Variants in PDE10A observed in about 807,000 individuals in gnomAD.
PDE10A encodes cAMP and cAMP-inhibited cGMP 3',5'-cyclic phosphodiesterase 10A.
Under a neutral mutation model 97.7 loss-of-function variants are expected in PDE10A, and 39 were observed. The observed-to-expected ratio is 0.40, with a 90% confidence interval of 0.31 to 0.52. The LOEUF is 0.52. Ranked by LOEUF, PDE10A falls within the 20% of genes least tolerant of loss-of-function variation. The probability of loss-of-function intolerance (pLI) is 0.56; values close to 1 mark genes in which losing one functional copy is unlikely to be tolerated. For missense variants in PDE10A, 731 were observed against 1,047.8 expected (o/e 0.70, Z 4.17); for synonymous variants, 371 against 376.8 (o/e 0.98, Z 0.18).
intron 1 of PDE10A, among the ~76,000 whole-genome samples, chr6:165,895,937 C>A (rs1190263534): frequency 6.6e-6 from 1 of 152,242 alleles, no homozygotes; most frequent in Non-Finnish European, 1.5e-5. Flanking sequence ...GACTAAGTTT[C>A]TGCCACAGAA....
intron 1 of PDE10A, among the ~76,000 whole-genome samples, chr6:165,963,570 G>C (rs919525514): frequency 2.0e-5 from 3 of 152,176 alleles, no homozygotes; most frequent in Non-Finnish European, 4.4e-5. Flanking sequence ...ACTGTGGTGA[G>C]AGTTTGTCAG....
chr6:165,365,136 A>C (rs1783688411), intron 18 of PDE10A, among the ~76,000 whole-genome samples: 1 of 152,130 alleles, frequency 6.6e-6, no homozygotes, highest in Admixed American at 6.5e-5. Flanking sequence ...GTAATTAAAA[A>C]TTCCCAGGCA....
chr6:165,441,743 C>G (rs1354999711), intron 5 of PDE10A, among the ~76,000 whole-genome samples: 1 of 152,190 alleles, frequency 6.6e-6, no homozygotes, highest in Non-Finnish European at 1.5e-5. Flanking sequence ...GGGCTCATCA[C>G]TGTCTCCCCG....
rs1358765839 is a variant in PDE10A, at chr6:165,541,009, A to G, written c.994+2431T>C. ...AAGGGAGGAAGCCTGGTTTTTATAT[A>G]GGCCTCAAGGGCCATGCTACAGAAT... On this transcript the variant is annotated intron_variant, in intron 2 of 21. Coordinates refer to ENST00000539869, the MANE Select transcript of PDE10A (RefSeq NM_001385079.1). Among the ~76,000 whole-genome samples, 3 of 152,212 alleles carry G rather than the reference A, an allele frequency of 2.0e-5. No homozygotes were observed. The East Asian group carries it at 5.8e-4, about 29-fold the overall frequency.
Position 165,661,703 on chromosome 6 carries a change from C to A in PDE10A, c.865+244G>T. On this transcript the variant is annotated intron_variant, in intron 1 of 21. Transcript: ENST00000539869. This position sits in a 1 kb window ranked among gnomAD's most constrained non-coding sequence, Gnocchi z 4.8. ...TCCAAGCTCCCGCCGCCCTCCCGAG[C>A]CGCCCTTCCCCCGAGCGCTCGCGGA... 1 of 437,012 alleles carries A rather than the reference C, an allele frequency of 2.3e-6. No homozygotes were observed. The highest frequency in any genetic ancestry group is 4.0e-6 in the Non-Finnish European group (1 of 249,824). The allele number at this position is 437,012 out of a possible 1,614,324, so 27.1% of individuals were successfully genotyped here.
chr6:165,912,062 T>C (rs1782475611), intron 1 of PDE10A, among the ~76,000 whole-genome samples: 1 of 152,006 alleles, frequency 6.6e-6, no homozygotes, highest in South Asian at 2.1e-4. Context: ...TATTATCTGT[T>C]TATCATCTCT....
At chr6:165,556,995 C>T (rs1413842169) in intron 1 of PDE10A, among the ~76,000 whole-genome samples, 6 of 151,932 alleles carry the variant, frequency 3.9e-5, no homozygotes, top group South Asian at 2.1e-4. Flanking sequence ...AAAAATTAGC[C>T]GGGCGTGGTG....
intron 5 of PDE10A, among the ~76,000 whole-genome samples, chr6:165,446,828 G>C (rs1438678260): frequency 6.6e-6 from 1 of 152,156 alleles, no homozygotes; most frequent in Admixed American, 6.5e-5. Context: ...GGGAAAGAAA[G>C]AAGGAACAGG....
chr6:165,409,861 T>A (rs1583223032), intron 13 of PDE10A, among the ~76,000 whole-genome samples: 1 of 150,970 alleles, frequency 6.6e-6, no homozygotes, highest in Admixed American at 6.6e-5. Flanking sequence ...AATGTAAAAA[T>A]GGAATGCCTA....
chr6:165,359,331 C>A (rs1408847637), intron 18 of PDE10A, among the ~76,000 whole-genome samples: 1 of 151,992 alleles, frequency 6.6e-6, no homozygotes, highest in Non-Finnish European at 1.5e-5. Context: ...CAAAAATGTC[C>A]TTATTTCAGC....
chr6:165,373,674 G>C (rs568067848), intron 18 of PDE10A, among the ~76,000 whole-genome samples: 1 of 152,058 alleles, frequency 6.6e-6, no homozygotes, highest in African/African-American at 2.4e-5. Flanking sequence ...TCAGTGTGGC[G>C]ATTCCTCAGG....
At chr6:165,442,348 G>A (rs1411329841) in intron 5 of PDE10A, among the ~76,000 whole-genome samples, 1 of 151,882 alleles carries the variant, frequency 6.6e-6, no homozygotes, top group East Asian at 1.9e-4. Flanking sequence ...CTGTGTCCAT[G>A]TGTCCTCATT....
chr6:165,376,764 A>G (rs922150828), intron 18 of PDE10A, among the ~76,000 whole-genome samples: 4 of 152,074 alleles, frequency 2.6e-5, no homozygotes, highest in African/African-American at 9.7e-5. Flanking sequence ...TAAGAAATGA[A>G]AAAAATTAGC....
At chr6:165,636,437 G>A (rs1788880726) in intron 1 of PDE10A, among the ~76,000 whole-genome samples, 1 of 152,126 alleles carries the variant, frequency 6.6e-6, no homozygotes, top group African/African-American at 2.4e-5. Flanking sequence ...GTAGAATTTT[G>A]AGAATCAATC....
chr6:165,390,999 A>C (rs1180546095), intron 16 of PDE10A, among the ~76,000 whole-genome samples: 1 of 152,186 alleles, frequency 6.6e-6, no homozygotes, highest in Non-Finnish European at 1.5e-5. Context: ...AGAAATCTCA[A>C]GAGTTTTACA....
intron 1 of PDE10A, among the ~76,000 whole-genome samples, chr6:165,552,911 C>T (rs1784086358): frequency 6.6e-6 from 1 of 152,088 alleles, no homozygotes; most frequent in African/African-American, 2.4e-5. Context: ...GGTTTGTTTG[C>T]TGAAAACGGC....
rs149665460 is a variant in PDE10A, at chr6:165,685,466, A to C, written c.-614-141898T>G. Among the ~76,000 whole-genome samples, 797 of 152,194 alleles carry C rather than the reference A, an allele frequency of 5.2e-3. 11 individuals carry two copies. The highest frequency in any genetic ancestry group is 0.018 in the African/African-American group (764 of 41,518). On this transcript the variant is annotated intron_variant, in intron 1 of 19. Coordinates refer to the PDE10A transcript ENST00000366882. ...TGTATGCTTCAGATTATGATTGCAA[A>C]GCAAACCAAGAGAAAATCGGACACA...
intron 18 of PDE10A, among the ~76,000 whole-genome samples, chr6:165,346,577 C>G (rs895152923): frequency 1.3e-5 from 2 of 152,138 alleles, no homozygotes; most frequent in African/African-American, 4.8e-5. Context: ...CATCCTATTT[C>G]AAGATTTTCT....
chr6:165,914,144 A>G (rs1460723157), intron 1 of PDE10A, among the ~76,000 whole-genome samples: 1 of 152,198 alleles, frequency 6.6e-6, no homozygotes, highest in Non-Finnish European at 1.5e-5. Context: ...GTAAAAAGGG[A>G]GGCATTTCCA....
Sources: allele counts gnomAD v4.1 joint callset (sites outside exome capture counted in the v4.1 genomes callset), GRCh38; gene constraint gnomAD v4.1.1; non-coding constraint Gnocchi (gnomAD v3.1); transcripts MANE v1.5; gene names NCBI Gene and HGNC (gene_info 2026-07-23, HGNC 2026-07-21).